Variants in CNBD1 observed in about 807,000 individuals in gnomAD.
CNBD1 encodes cyclic nucleotide binding domain containing 1.
In CNBD1, 71 loss-of-function variants were observed where a neutral mutation model predicts 54.4. That is an observed-to-expected ratio of 1.30 (90% CI 1.08 to 1.59). CNBD1 has a LOEUF of 1.59. Ranked by LOEUF, CNBD1 falls within the 40% of genes most tolerant of loss-of-function variation. CNBD1 has a pLI of 0.00. For missense variants in CNBD1, 659 were observed against 518.0 expected, an observed-to-expected ratio of 1.27 and a Z score of -2.64; for synonymous variants, 182 against 170.7, an observed-to-expected ratio of 1.07 and a Z score of -0.51.
At position 87,256,015 on chromosome 8, in the gene CNBD1, ATTTTTTTT is replaced by A. The variant is rs1212667153; in HGVS notation, c.771+18921_771+18928del. Among the ~76,000 whole-genome samples the A allele has an allele frequency of 8.2e-3, 129 of 15,728 alleles. 2 individuals carry two copies. The highest frequency in any genetic ancestry group is 0.018 in the South Asian group (3 of 170). 10.3% of individuals were successfully genotyped at this position (15,728 alleles called of 152,430 possible). On this transcript the variant is annotated intron_variant, in intron 6 of 10. Coordinates refer to ENST00000518476, the MANE Select transcript of CNBD1 (RefSeq NM_173538.3). ...TATATATATATATATATATATATAT[ATTTTTTTT>A]TTTTTTTTTTTTTTTTTGAGACAGG...
At chr8:86,974,097 TC>T (rs1808286649) in intron 4 of CNBD1, among the ~76,000 whole-genome samples, 1 of 152,080 alleles carries the variant, frequency 6.6e-6, no homozygotes, top group Non-Finnish European at 1.5e-5. Context: ...TGATAAATGT[TC>T]AAAAATGTAA....
intron 2 of CNBD1, among the ~76,000 whole-genome samples, chr8:87,409,099 A>G (rs1586084623): frequency 1.3e-5 from 2 of 152,190 alleles, no homozygotes; most frequent in South Asian, 4.1e-4. Context: ...TGAGGAAGGC[A>G]TGTCGAAAGC....
intron 4 of CNBD1, among the ~76,000 whole-genome samples, chr8:87,077,942 A>G (rs1810909668): frequency 6.6e-6 from 1 of 152,068 alleles, no homozygotes. Context: ...CACTAATGGG[A>G]TCACTGGGTC....
Position 87,415,800 on chromosome 8 carries a change from A to G in CNBD1, c.214-12746A>G, listed in dbSNP as rs190574065. 1.2e-3 allele frequency among the ~76,000 whole-genome samples: 176 copies of G among 152,042 alleles called. 1 individual carries two copies. Among genetic ancestry groups the G allele is most frequent in the Non-Finnish European group, 3.7e-4 (25 of 67,966 alleles). ...GCTGTAAAAAGCTATATAAATTATC[A>G]AACGGGAATAATAAAAAGATGCAAG... On this transcript the variant is annotated intron_variant, in intron 2 of 7. Transcript: ENST00000521593.
At chr8:87,374,112 A>G (rs1053545793) in intron 10 of CNBD1, among the ~76,000 whole-genome samples, 1 of 151,798 alleles carries the variant, frequency 6.6e-6, no homozygotes, top group African/African-American at 2.4e-5. Flanking sequence ...CATCATAAAA[A>G]AAGAAAATCA....
At chr8:87,153,728 G>A (rs998727170) in intron 4 of CNBD1, among the ~76,000 whole-genome samples, 4 of 152,214 alleles carry the variant, frequency 2.6e-5, no homozygotes, top group South Asian at 2.1e-4. Flanking sequence ...AGATACATGA[G>A]TGAGCAGAGT....
At chr8:87,391,531 TA>T (rs1455844394) in intron 2 of CNBD1, among the ~76,000 whole-genome samples, 6 of 152,092 alleles carry the variant, frequency 3.9e-5, no homozygotes, top group Admixed American at 2.6e-4. Flanking sequence ...TGAATGTCCA[TA>T]AATAAAACCT....
intron 8 of CNBD1, among the ~76,000 whole-genome samples, chr8:87,305,388 G>T (rs1228147135): frequency 6.6e-6 from 1 of 152,126 alleles, no homozygotes; most frequent in South Asian, 2.1e-4. Flanking sequence ...TCATTCTTCA[G>T]AGAATTAGAA....
intron 8 of CNBD1, among the ~76,000 whole-genome samples, chr8:87,342,170 G>C (rs1272910847): frequency 6.6e-6 from 1 of 152,016 alleles, no homozygotes; most frequent in East Asian, 1.9e-4. Flanking sequence ...CTACTTGAGA[G>C]GCTGAGGCAG....
At chr8:87,349,467 C>T (rs1810238989) in intron 8 of CNBD1, among the ~76,000 whole-genome samples, 1 of 152,160 alleles carries the variant, frequency 6.6e-6, no homozygotes, top group African/African-American at 2.4e-5. Flanking sequence ...CCTCTGCTTC[C>T]TGGGTTCAAG....
chr8:86,866,684 C>A, intron 1 of CNBD1, 101 bp downstream of exon 1: 1 of 805,098 alleles, frequency 1.2e-6, no homozygotes, highest in Non-Finnish European at 2.1e-6. Flanking sequence ...TTGATAGGGA[C>A]ATTGGGAATC....
At position 87,382,829 on chromosome 8, in the gene CNBD1, AAAAT is replaced by A; in HGVS notation, c.*208_*211del. 2 of 445,434 alleles carry A rather than the reference AAAAT, an allele frequency of 4.5e-6. No homozygotes were observed. The allele number at this position is 445,434 out of a possible 1,614,324, so 27.6% of individuals were successfully genotyped here. On this transcript the variant is annotated 3_prime_UTR_variant, in exon 11 of 11. Coordinates refer to ENST00000518476, the MANE Select transcript of CNBD1 (RefSeq NM_173538.3). ...AGCAGTCTTTCTTGGTTTGGATACT[AAAAT>A]AAATATAGTTATCATTGCTTGATTT...
chr8:87,003,356 A>C (rs1809032133), intron 4 of CNBD1, among the ~76,000 whole-genome samples: 1 of 152,186 alleles, frequency 6.6e-6, no homozygotes, highest in Non-Finnish European at 1.5e-5. Flanking sequence ...AGATTATTAG[A>C]ATATGTGATT....
chr8:86,944,091 T>C (rs552860423), intron 4 of CNBD1, among the ~76,000 whole-genome samples: 128 of 152,300 alleles, frequency 8.4e-4, no homozygotes, highest in African/African-American at 2.9e-3. Flanking sequence ...TTACTGAGTT[T>C]ACATGCAATT....
Position 87,234,806 on chromosome 8 carries a change from A to G in CNBD1, c.578-2113A>G, listed in dbSNP as rs58456012. On this transcript the variant is annotated intron_variant, in intron 5 of 10. Coordinates refer to ENST00000518476, the MANE Select transcript of CNBD1 (RefSeq NM_173538.3). ...CATCACGAGCTGTATGTCATCATCA[A>G]CCTCTCCTTTGAAACTTTGAAACCA... Among the ~76,000 whole-genome samples, 803 of 152,172 alleles carry G rather than the reference A, an allele frequency of 5.3e-3. 6 individuals carry two copies. The highest frequency in any genetic ancestry group is 0.018 in the African/African-American group (767 of 41,518).
intron 4 of CNBD1, among the ~76,000 whole-genome samples, chr8:87,068,366 AG>A (rs1810696751): frequency 6.6e-6 from 1 of 152,054 alleles, no homozygotes; most frequent in African/African-American, 2.4e-5. Context: ...GGAAGTATTA[AG>A]GGGTAATGAA....
rs1439150877 is a variant in CNBD1, at chr8:87,032,094, A to G, written c.431+92340A>G. ...AAAATTTTGTTTCAACTTTGTTTGA[A>G]GACAACATCTTTCTCTTTGAAAGAA... On this transcript the variant is annotated intron_variant, in intron 4 of 10. Coordinates refer to ENST00000518476, the MANE Select transcript of CNBD1 (RefSeq NM_173538.3). Among the ~76,000 whole-genome samples, 3 of 152,348 alleles carry G rather than the reference A, an allele frequency of 2.0e-5. No homozygotes were observed. The South Asian group carries it at 6.2e-4, about 32-fold the overall frequency.
At chr8:87,185,163 A>G (rs764076572) in intron 4 of CNBD1, among the ~76,000 whole-genome samples, 1 of 152,158 alleles carries the variant, frequency 6.6e-6, no homozygotes, top group Non-Finnish European at 1.5e-5. Context: ...TCCACATACA[A>G]TCAAAAAGAA....
At chr8:87,149,761 T>C (rs1476886797) in intron 4 of CNBD1, among the ~76,000 whole-genome samples, 1 of 152,030 alleles carries the variant, frequency 6.6e-6, no homozygotes, top group Admixed American at 6.6e-5. Flanking sequence ...AAAAAAATAG[T>C]TTAAATCAGG....
Sources: gnomAD v4.1 joint callset for allele counts (sites outside exome capture counted in the v4.1 genomes callset) on GRCh38, gnomAD v4.1.1 for gene constraint, MANE v1.5 for transcripts, NCBI Gene and HGNC (gene_info 2026-07-23, HGNC 2026-07-21) for gene names.